Variants in ADGRG2 observed in about 807,000 individuals in gnomAD.
The protein encoded by ADGRG2 is G protein-coupled receptor 64.
A neutral mutation model predicts 74.1 loss-of-function variants in ADGRG2; 26 were observed. The observed-to-expected ratio is 0.35, with a 90% CI of 0.26 to 0.49. The LOEUF is 0.49. Among genes scored for constraint, ADGRG2 ranks in the 20% least tolerant of loss-of-function variants. The probability of loss-of-function intolerance (pLI) is 0.99; values close to 1 mark genes in which losing one functional copy is unlikely to be tolerated. For missense variants in ADGRG2, 619 were observed against 763.1 expected (o/e 0.81, Z 2.22); for synonymous variants, 296 against 295.2 (o/e 1.00, Z -0.03).
intron 8 of ADGRG2, chrX:19,031,335 C>A: frequency 3.9e-6 from 1 of 257,542 alleles, no homozygotes; most frequent in Non-Finnish European, 6.9e-6. Context: ...TCAGTATAAA[C>A]AGAGCACCAT....
At position 18,999,000 on chromosome X, in the gene ADGRG2, T is replaced by C. The variant is rs1344648617; in HGVS notation, c.2610A>G (p.Leu870=). The C allele has an allele frequency of 1.7e-6, 2 of 1,190,081 alleles. No individual in the cohort carries two copies. The highest frequency in any genetic ancestry group is 5.9e-5 in the East Asian group (2 of 33,752). Residue 870 remains leucine, a synonymous_variant, in exon 26 of 29, where the codon TTA becomes TTG. Transcript: ENST00000379869. The part of the protein sequence containing the change: ...FMYLFAIFNT[L]QGFFIFIFYC... Reference sequence around the variant, plus strand: ...ATTTGATGCTGTAAAGCTTACCTTGTAAGGTATTAAAGATGGCAAACAGAT... The same window carrying C: ...ATTTGATGCTGTAAAGCTTACCTTGCAAGGTATTAAAGATGGCAAACAGAT...
intron 1 of ADGRG2, among the ~76,000 whole-genome samples, chrX:19,111,635 A>G (rs894928962): frequency 8.9e-6 from 1 of 111,757 alleles, no homozygotes; most frequent in African/African-American, 3.3e-5. Context: ...GTGATAAAAT[A>G]TGAGCATCCT....
At chrX:19,075,486 C>T (rs368868983) in intron 2 of ADGRG2, among the ~76,000 whole-genome samples, 37 of 108,310 alleles carry the variant, frequency 3.4e-4, no homozygotes, top group African/African-American at 1.2e-3. Context: ...GGTGTGGTGG[C>T]GCCCACCTGT....
chrX:19,106,314 T>C (rs1202009957), intron 1 of ADGRG2, among the ~76,000 whole-genome samples: 1 of 110,469 alleles, frequency 9.1e-6, no homozygotes, highest in Non-Finnish European at 1.9e-5. Flanking sequence ...GTGCAGCTCG[T>C]GGCTGGAAGG....
rs1339143773 is a variant in ADGRG2, at chrX:18,990,609, T to C, written c.*255A>G. On this transcript the variant is annotated 3_prime_UTR_variant, in exon 29 of 29. Transcript: ENST00000379869. ...TTTTTTGTTTTCTTTATAGGAGTCA[T>C]TCTTAGTGTATTGTTTAAAACCAAC... 4 of 232,621 alleles carry C rather than the reference T, an allele frequency of 1.7e-5. No homozygotes were observed. Among genetic ancestry groups the C allele is most frequent in the Non-Finnish European group, 3.1e-5 (4 of 130,786 alleles). The allele number at this position is 232,621 out of a possible 1,213,427, so 19.2% of individuals were successfully genotyped here.
chrX:19,037,515 A>G, intron 5 of ADGRG2, 25 bp from the exon 6 acceptor site: 1 of 1,152,647 alleles, frequency 8.7e-7, no homozygotes, highest in Non-Finnish European at 1.2e-6. Flanking sequence ...GAGAAAAACA[A>G]TACAAAGATA....
intron 27 of ADGRG2, 113 bp from the exon 28 acceptor site, chrX:18,995,161 T>G (rs192006799): frequency 1.0e-5 from 5 of 489,432 alleles, no homozygotes; most frequent in African/African-American, 9.7e-5. Flanking sequence ...TTCAGGATCT[T>G]ATGGAGAAGT....
intron 2 of ADGRG2, among the ~76,000 whole-genome samples, chrX:19,072,868 A>G (rs1474584476): frequency 2.7e-5 from 3 of 112,505 alleles, no homozygotes; most frequent in African/African-American, 9.7e-5. Flanking sequence ...TAGGTCATAA[A>G]GTCTCTAGGA....
chrX:19,116,506 CAAAAAAAAAA>C, intron 1 of ADGRG2, among the ~76,000 whole-genome samples: 2 of 24,016 alleles, frequency 8.3e-5, no homozygotes, highest in East Asian at 1.6e-3. Flanking sequence ...GATTCCGTCT[CAAAAAAAAAA>C]AAAAAAAAAA....
At chrX:19,042,816 C>T (rs943140219) in intron 3 of ADGRG2, among the ~76,000 whole-genome samples, 5 of 111,026 alleles carry the variant, frequency 4.5e-5, no homozygotes, top group African/African-American at 1.6e-4. Flanking sequence ...CATGGCGAAA[C>T]CCCGTCTCTA....
At chrX:19,112,976 C>CAAAAAAAAAAACAAAAAA (rs1314011966) in intron 1 of ADGRG2, among the ~76,000 whole-genome samples, 1 of 43,246 alleles carries the variant, frequency 2.3e-5, no homozygotes, top group Non-Finnish European at 4.2e-5. Context: ...ACAACAACAA[C>CAAAAAAAAAAACAAAAAA]AAAAAAAAAA....
intron 2 of ADGRG2, among the ~76,000 whole-genome samples, chrX:19,074,606 G>A (rs2061712841): frequency 1.5e-5 from 1 of 64,791 alleles, no homozygotes; most frequent in East Asian, 5.7e-4. Flanking sequence ...GTCTCGCTCT[G>A]TCTCCCAAGC....
chrX:19,027,591 C>A (rs1301411554), intron 10 of ADGRG2, among the ~76,000 whole-genome samples: 2 of 112,606 alleles, frequency 1.8e-5, no homozygotes, highest in Non-Finnish European at 3.7e-5. Context: ...GAGTTCCTCA[C>A]AAAGAACACT....
chrX:18,990,585 TTTTTG>T lies in ADGRG2; in HGVS notation c.*274_*278del. ...AAGGTAGCTGAAAGTTCACTACCTT[TTTTTG>T]TTTTCTTTATAGGAGTCATTCTTAG... On this transcript the variant is annotated 3_prime_UTR_variant, in exon 29 of 29. Coordinates refer to ENST00000379869, the MANE Select transcript of ADGRG2 (RefSeq NM_001079858.3). 5.4e-6 allele frequency: 1 copy of T among 186,814 alleles called. No homozygotes were observed. Among genetic ancestry groups the T allele is most frequent in the African/African-American group, 2.9e-5 (1 of 34,265 alleles). 15.4% of individuals were successfully genotyped at this position (186,814 alleles called of 1,213,427 possible).
At chrX:19,093,219 A>C (rs2062040032) in intron 1 of ADGRG2, among the ~76,000 whole-genome samples, 2 of 111,903 alleles carry the variant, frequency 1.8e-5, no homozygotes, top group African/African-American at 3.2e-5. Context: ...AACTGATTTC[A>C]ATCGGGCTTT....
intron 1 of ADGRG2, among the ~76,000 whole-genome samples, chrX:19,112,527 C>T (rs781664938): frequency 3.5e-4 from 38 of 109,892 alleles, no homozygotes; most frequent in Non-Finnish European, 6.2e-4. Flanking sequence ...ACATTATGAG[C>T]CTCCAAAATA....
Position 18,999,004 on chromosome X carries a change from G to T in ADGRG2, c.2606C>A (p.Thr869Asn). 8.4e-7 allele frequency: 1 copy of T among 1,195,633 alleles called. No homozygotes were observed. Among genetic ancestry groups the T allele is most frequent in the Non-Finnish European group, 1.1e-6 (1 of 882,539 alleles). ...GATGCTGTAAAGCTTACCTTGTAAG[G>T]TATTAAAGATGGCAAACAGATACAT... ...TFMYLFAIFN[T>N]LQGFFIFIFY... Residue 869 changes from threonine (T) to asparagine (N), a missense_variant, in exon 26 of 29, where the codon ACC becomes AAC. By Grantham distance (65) the Thr-to-Asn change is moderately conservative (BLOSUM62 0). Coordinates refer to ENST00000379869, the MANE Select transcript of ADGRG2 (RefSeq NM_001079858.3).
intron 2 of ADGRG2, among the ~76,000 whole-genome samples, chrX:19,078,058 C>T (rs1004810680): frequency 3.6e-5 from 4 of 111,903 alleles, no homozygotes; most frequent in East Asian, 2.8e-4. Context: ...AACTGCAGCG[C>T]GCATAATCTT....
At chrX:19,023,605 T>C in intron 12 of ADGRG2, 152 bp from the exon 13 acceptor site, 2 of 434,813 alleles carry the variant, frequency 4.6e-6, no homozygotes, top group Non-Finnish European at 8.0e-6. Flanking sequence ...ATTCCCGGCA[T>C]ATCATCAACG....
Sources: allele counts gnomAD v4.1 joint callset (sites outside exome capture counted in the v4.1 genomes callset), GRCh38; gene constraint gnomAD v4.1.1; transcripts MANE v1.5; gene names NCBI Gene and HGNC (gene_info 2026-07-23, HGNC 2026-07-21).